ADAMTS6: variants seen among roughly 807,000 people sequenced by gnomAD.
ADAMTS6 encodes ADAM metallopeptidase with thrombospondin type 1 motif 6.
Under a neutral mutation model 144.3 loss-of-function variants are expected in ADAMTS6, and 23 were observed. The ratio of observed to expected loss-of-function variants is 0.16; its 90% CI spans 0.11 to 0.23. The LOEUF is 0.23. Ranked by LOEUF, ADAMTS6 falls within the 10% of genes least tolerant of loss-of-function variation. ADAMTS6 has a pLI of 1.00. For missense variants in ADAMTS6, 999 were observed against 1,379.6 expected (o/e 0.72, Z 4.37); for synonymous variants, 444 against 457.5 (o/e 0.97, Z 0.38).
intron 22 of ADAMTS6, among the ~76,000 whole-genome samples, chr5:65,173,535 A>G (rs1372526964): frequency 6.6e-6 from 1 of 152,170 alleles, no homozygotes; most frequent in Non-Finnish European, 1.5e-5. Context: ...TTCCCCATCC[A>G]TCAGTTACAA....
intron 11 of ADAMTS6, among the ~76,000 whole-genome samples, chr5:65,275,077 C>T (rs537968731): frequency 2.0e-5 from 3 of 151,518 alleles, no homozygotes; most frequent in Non-Finnish European, 4.4e-5. Context: ...GAGCATGGGC[C>T]AGGCGCAGTG....
At chr5:65,169,915 T>G in intron 24 of ADAMTS6, among the ~76,000 whole-genome samples, 2 of 144,682 alleles carry the variant, frequency 1.4e-5, no homozygotes, top group South Asian at 2.3e-4. Context: ...AGGGATAGCA[T>G]TGGGAGATAT....
chr5:65,350,001 A>G (rs1748703076), intron 7 of ADAMTS6, among the ~76,000 whole-genome samples: 1 of 152,216 alleles, frequency 6.6e-6, no homozygotes, highest in African/African-American at 2.4e-5. Flanking sequence ...GGAACTGATC[A>G]TAAGTCAGAA....
chr5:65,205,770 A>G (rs1756046185), intron 20 of ADAMTS6, among the ~76,000 whole-genome samples: 2 of 152,150 alleles, frequency 1.3e-5, no homozygotes, highest in South Asian at 4.1e-4. Flanking sequence ...GTTGCTAGCA[A>G]TTTCTCCTTT....
At chr5:65,216,595 G>A (rs940958411) in intron 18 of ADAMTS6, among the ~76,000 whole-genome samples, 8 of 151,808 alleles carry the variant, frequency 5.3e-5, no homozygotes, top group Admixed American at 1.3e-4. Flanking sequence ...AAAAGAGAAA[G>A]GATAAATGCC....
intron 18 of ADAMTS6, among the ~76,000 whole-genome samples, chr5:65,223,626 C>G (rs895753710): frequency 6.6e-6 from 1 of 152,122 alleles, no homozygotes; most frequent in African/African-American, 2.4e-5. Context: ...CATATTGTTG[C>G]AAATGAATAG....
intron 15 of ADAMTS6, among the ~76,000 whole-genome samples, chr5:65,238,750 C>G (rs1350433030): frequency 6.6e-6 from 1 of 152,050 alleles, no homozygotes; most frequent in African/African-American, 2.4e-5. Context: ...CATGCAGGAC[C>G]TTACACTTAA....
In ADAMTS6 at chr5:65,451,615, G is replaced by A; in HGVS notation, c.933C>T (p.Asn311=). 1 of 1,612,572 alleles carries A rather than the reference G, an allele frequency of 6.2e-7. No homozygotes were observed. The highest frequency in any genetic ancestry group is 2.2e-5 in the East Asian group (1 of 44,722). Residue 311 remains asparagine (N), a synonymous_variant, in exon 7 of 25, where the codon AAC becomes AAT. Transcript: ENST00000381055. ...RLIVLTEDQP[N]LEINHHADKS... Reference sequence around the variant, plus strand: ...TGTCTGCATGGTGGTTTATCTCCAAGTTTGGCTGCAATACAACATGCATAC... The same window carrying A: ...TGTCTGCATGGTGGTTTATCTCCAAATTTGGCTGCAATACAACATGCATAC...
At chr5:65,196,032 A>G (rs963158441) in intron 21 of ADAMTS6, among the ~76,000 whole-genome samples, 1 of 152,210 alleles carries the variant, frequency 6.6e-6, no homozygotes, top group Admixed American at 6.5e-5. Flanking sequence ...ATTTAAAACC[A>G]TCATTAAAAT....
Position 65,215,385 on chromosome 5 carries a change from G to T in ADAMTS6, c.2375C>A (p.Pro792Gln). 2.5e-6 allele frequency: 4 copies of T among 1,613,986 alleles called. No individual in the cohort carries two copies. Among genetic ancestry groups the T allele is most frequent in the Non-Finnish European group, 3.4e-6 (4 of 1,179,942 alleles). The change falls in exon 19 of 25, where the codon CCA (proline) becomes CAA (glutamine). Residue 792 changes from proline (P) to glutamine (Q), a missense_variant. By Grantham distance (76) the Pro-to-Gln change is moderately conservative (BLOSUM62 -1). Coordinates refer to ENST00000381055, the MANE Select transcript of ADAMTS6 (RefSeq NM_197941.4). The stretch of plus-strand genomic sequence containing the variant: ...TTCCAAGGATTCTGGTTCATCAGTT[G>T]GTCTCTTGTAATGAAAAGCTGTCCC... ...VAGTAFHYKR[P>Q]TDEPESLEAL...
intron 7 of ADAMTS6, among the ~76,000 whole-genome samples, chr5:65,346,862 A>T (rs1456359326): frequency 6.6e-6 from 1 of 151,764 alleles, no homozygotes; most frequent in Non-Finnish European, 1.5e-5. Flanking sequence ...CGGAATACAA[A>T]ATCAATGTAA....
chr5:65,351,742 T>C (rs1456424108), intron 7 of ADAMTS6, among the ~76,000 whole-genome samples: 1 of 151,990 alleles, frequency 6.6e-6, no homozygotes, highest in Non-Finnish European at 1.5e-5. Context: ...TAATCACACC[T>C]TTGAATAGCC....
chr5:65,196,203 T>C (rs947596761), intron 21 of ADAMTS6, among the ~76,000 whole-genome samples: 1 of 152,142 alleles, frequency 6.6e-6, no homozygotes, highest in African/African-American at 2.4e-5. Context: ...ATTAAAGCCC[T>C]GATATTCTAT....
intron 7 of ADAMTS6, among the ~76,000 whole-genome samples, chr5:65,348,977 TC>T (rs1181949816): frequency 9.9e-5 from 15 of 152,144 alleles, no homozygotes; most frequent in African/African-American, 3.1e-4. Flanking sequence ...CTTTACTACA[TC>T]TAAAATTTTT....
At chr5:65,324,874 A>AC (rs1287623134) in intron 9 of ADAMTS6, among the ~76,000 whole-genome samples, 1 of 152,220 alleles carries the variant, frequency 6.6e-6, no homozygotes, top group Admixed American at 6.5e-5. Flanking sequence ...ATAGTTATGA[A>AC]CAGATGTGCA....
At chr5:65,173,586 G>C (rs530422207) in intron 22 of ADAMTS6, among the ~76,000 whole-genome samples, 1 of 152,114 alleles carries the variant, frequency 6.6e-6, no homozygotes, top group South Asian at 2.1e-4. Flanking sequence ...CTGTTTGTTC[G>C]TCATACTGAG....
chr5:65,366,967 A>G (rs1394985011), intron 7 of ADAMTS6, among the ~76,000 whole-genome samples: 1 of 152,218 alleles, frequency 6.6e-6, no homozygotes, highest in African/African-American at 2.4e-5. Flanking sequence ...CTCTCATTCC[A>G]AGAAAAAGAA....
In ADAMTS6 at chr5:65,198,212, T is replaced by C. The variant is rs143661380; in HGVS notation, c.2576-1061A>G. Among the ~76,000 whole-genome samples, 219 of 152,244 alleles carry C rather than the reference T, an allele frequency of 1.4e-3. 1 individual carries two copies. Among genetic ancestry groups the C allele is most frequent in the African/African-American group, 5.1e-3 (212 of 41,554 alleles). On this transcript the variant is annotated intron_variant, in intron 20 of 24. Coordinates refer to ENST00000381055, the MANE Select transcript of ADAMTS6 (RefSeq NM_197941.4). ...TTCCCCCACTCACCCACCCCATCTC[T>C]ATAAACAGGTAGGCTAAATTACCCA...
At chr5:65,210,761 A>C (rs1756470092) in intron 20 of ADAMTS6, 2 of 628,082 alleles carry the variant, frequency 3.2e-6, no homozygotes, top group Middle Eastern at 4.6e-4. Flanking sequence ...TTAATGGAGG[A>C]AGATGAAGAT....
Sources: allele counts gnomAD v4.1 joint callset (sites outside exome capture counted in the v4.1 genomes callset), GRCh38; gene constraint gnomAD v4.1.1; transcripts MANE v1.5; gene names NCBI Gene and HGNC (gene_info 2026-07-23, HGNC 2026-07-21).